The following WDR27 variants were observed in gnomAD, a reference collection of about 807,000 sequenced individuals.
WDR27 encodes WD repeat domain 27.
A neutral mutation model predicts 114.4 loss-of-function variants in WDR27; 100 were observed. The ratio of observed to expected loss-of-function variants is 0.87; its 90% CI spans 0.74 to 1.03. The LOEUF (loss-of-function observed/expected upper bound fraction) is 1.03. WDR27 is among the 50% of genes least tolerant of loss of function. The probability of loss-of-function intolerance (pLI) is 0.00; values close to 1 mark genes in which losing one functional copy is unlikely to be tolerated. For missense variants in WDR27, 1,129 were observed against 1,092.9 expected, an observed-to-expected ratio of 1.03 and a Z score of -0.47; for synonymous variants, 449 against 423.1, an observed-to-expected ratio of 1.06 and a Z score of -0.75.
At chr6:169,450,113 G>A in the WDR27 span, among the ~76,000 whole-genome samples, 2 of 152,028 alleles carry the variant, frequency 1.3e-5, no homozygotes, top group Non-Finnish European at 2.9e-5. Context: ...TCCCACTTTT[G>A]AGTCTAGGAC....
Position 169,680,774 on chromosome 6 carries a change from G to C in WDR27, c.189+8043C>G, listed in dbSNP as rs370733700. ...CTAACATTAACGAAAATAGAAAGTA[G>C]CCAAAGAAGATTTCAGAGCAAGAAT... On this transcript the variant is annotated intron_variant, in intron 2 of 25. Transcript: ENST00000448612. Among the ~76,000 whole-genome samples the C allele has an allele frequency of 1.9e-4, 29 of 152,206 alleles. No homozygotes were observed. In the South Asian group the frequency reaches 3.9e-3, roughly 21 times the overall value.
intron 25 of WDR27, among the ~76,000 whole-genome samples, chr6:169,488,613 C>T (rs888252387): frequency 6.6e-6 from 1 of 152,218 alleles, no homozygotes; most frequent in Admixed American, 6.5e-5. Context: ...TCCTGTAATA[C>T]TTCTGCATTC....
chr6:169,651,542 CTGA>C (rs1401864201), intron 14 of WDR27, among the ~76,000 whole-genome samples: 1 of 152,038 alleles, frequency 6.6e-6, no homozygotes, highest in Non-Finnish European at 1.5e-5. Context: ...TTATCGTGCT[CTGA>C]TGTTACGGCA....
chr6:169,508,115 A>C (rs1434851337), intron 25 of WDR27, among the ~76,000 whole-genome samples: 1 of 152,222 alleles, frequency 6.6e-6, no homozygotes, highest in African/African-American at 2.4e-5. Flanking sequence ...TGTGCACTCC[A>C]GTGGAGCTGA....
chr6:169,646,737 G>A (rs1820839184), intron 16 of WDR27, among the ~76,000 whole-genome samples: 1 of 144,372 alleles, frequency 6.9e-6, no homozygotes, highest in African/African-American at 2.5e-5. Context: ...AACAGAGTGA[G>A]TCTCTGTCTC....
chr6:169,672,614 A>G (rs1779028646), intron 2 of WDR27, among the ~76,000 whole-genome samples: 1 of 151,970 alleles, frequency 6.6e-6, no homozygotes, highest in African/African-American at 2.4e-5. Context: ...ACACACACTA[A>G]TAAAAAGATA....
At chr6:169,642,879 C>G (rs943607241) in intron 17 of WDR27, among the ~76,000 whole-genome samples, 1 of 152,218 alleles carries the variant, frequency 6.6e-6, no homozygotes, top group Non-Finnish European at 1.5e-5. Flanking sequence ...ATTCGCAATG[C>G]TTGGGATTAG....
At chr6:169,527,920 T>TA (rs1204776444) in intron 25 of WDR27, among the ~76,000 whole-genome samples, 11 of 152,150 alleles carry the variant, frequency 7.2e-5, no homozygotes, top group African/African-American at 2.7e-4. Context: ...AAAACAACGT[T>TA]AAGAAATAGA....
intron 9 of WDR27, among the ~76,000 whole-genome samples, chr6:169,661,896 T>A (rs1455874283): frequency 1.3e-5 from 2 of 152,224 alleles, no homozygotes; most frequent in Non-Finnish European, 1.5e-5. Flanking sequence ...TGTTGCCAAA[T>A]ATGTAATAAT....
intron 25 of WDR27, among the ~76,000 whole-genome samples, chr6:169,480,628 C>A (rs1217456103): frequency 4.7e-5 from 7 of 149,746 alleles, no homozygotes; most frequent in Non-Finnish European, 3.0e-5. Flanking sequence ...TCTAGCTGAT[C>A]TGGTGGGGAC....
chr6:169,658,232 G>A (rs201938578), intron 13 of WDR27, 44 bp downstream of exon 13: 104 of 1,462,210 alleles, frequency 7.1e-5, no homozygotes, highest in South Asian at 6.0e-4. Context: ...CAATGAGAAC[G>A]CATCAGCCTT....
chr6:169,654,269 A>C (rs1188668763), intron 13 of WDR27, among the ~76,000 whole-genome samples: 1 of 152,198 alleles, frequency 6.6e-6, no homozygotes, highest in African/African-American at 2.4e-5. Context: ...ATATTACACC[A>C]AGCATTCAGG....
chr6:169,624,245 G>T lies in WDR27; in HGVS notation c.2223+8702C>A, dbSNP rs942155352. ...TGTGCGCATCAGGTGTGCCATGTGGGGCGTCAGGTGCGCAGTGTGTGGCGT... is the reference window on the plus strand; with the variant it reads ...TGTGCGCATCAGGTGTGCCATGTGGTGCGTCAGGTGCGCAGTGTGTGGCGT... On this transcript the variant is annotated intron_variant, in intron 21 of 25. Transcript: ENST00000448612. 5.3e-5 allele frequency among the ~76,000 whole-genome samples: 8 copies of T among 152,020 alleles called. No individual in the cohort carries two copies. In the East Asian group the frequency reaches 1.2e-3, roughly 22 times the overall value.
Position 169,664,166 on chromosome 6 carries a change from C to G in WDR27, c.904G>C (p.Glu302Gln). ...RVKSGLCSQPEESQLPSTSAL... is the reference protein window; with the variant it reads ...RVKSGLCSQPQESQLPSTSAL... ...CTGAGGGAGGGTCTGAGCAACCCAC[C>G]TGGCTGGCTGCACAGCCCAGACTTA... Residue 302 changes from glutamate to glutamine, a missense_variant and splice_region_variant, in exon 8 of 26, where the codon GAA (glutamate) becomes CAA (glutamine). By Grantham distance (29) the Glu-to-Gln change is conservative. Coordinates refer to ENST00000448612, the MANE Select transcript of WDR27 (RefSeq NM_182552.5). 1 of 1,585,348 alleles carries G rather than the reference C, an allele frequency of 6.3e-7. No homozygotes were observed. The highest frequency in any genetic ancestry group is 8.6e-7 in the Non-Finnish European group (1 of 1,165,682).
At chr6:169,455,129 C>A (rs544684031), downstream of WDR27, among the ~76,000 whole-genome samples, 1 of 152,348 alleles carries the variant, frequency 6.6e-6, no homozygotes, top group African/African-American at 2.4e-5. Context: ...AGCTGGAAAG[C>A]CTGGCTCAGT....
intron 1 of WDR27, among the ~76,000 whole-genome samples, chr6:169,691,131 C>G (rs1043666624): frequency 6.6e-6 from 1 of 152,064 alleles, no homozygotes; most frequent in Admixed American, 6.5e-5. Flanking sequence ...AGGAGAATGG[C>G]GTGAACCTGG....
chr6:169,589,891 G>A (rs565699845), intron 23 of WDR27, among the ~76,000 whole-genome samples: 1 of 150,778 alleles, frequency 6.6e-6, no homozygotes, highest in Admixed American at 6.6e-5. Context: ...CTGTGGCTAA[G>A]ACATACTCAG....
At chr6:169,451,738 G>C in the WDR27 span, among the ~76,000 whole-genome samples, 1 of 152,178 alleles carries the variant, frequency 6.6e-6, no homozygotes, top group Non-Finnish European at 1.5e-5. Flanking sequence ...AATGTGTAGA[G>C]ACATCTCGTT....
At chr6:169,545,576 G>A (rs1797358948) in intron 25 of WDR27, among the ~76,000 whole-genome samples, 1 of 152,018 alleles carries the variant, frequency 6.6e-6, no homozygotes. Flanking sequence ...TACTCAGGAG[G>A]CTAAGGTCAG....
Sources: allele counts gnomAD v4.1 joint callset (sites outside exome capture counted in the v4.1 genomes callset), GRCh38; gene constraint gnomAD v4.1.1; transcripts MANE v1.5; gene names NCBI Gene and HGNC (gene_info 2026-07-23, HGNC 2026-07-21).